The following ZNF227 variants were observed in gnomAD, a reference collection of about 807,000 sequenced individuals.
The protein encoded by ZNF227 is zinc finger protein 227.
ZNF227 carries 12 observed loss-of-function variants against 13.2 expected under a neutral mutation model. That is an observed-to-expected ratio of 0.91 (90% CI 0.58 to 1.47). The LOEUF (loss-of-function observed/expected upper bound fraction) is 1.47, where lower values mean the gene tolerates loss of function less well. Ranked by LOEUF, ZNF227 falls within the 40% of genes most tolerant of loss-of-function variation. The pLI, the probability that ZNF227 is intolerant of heterozygous loss-of-function variation, is 0.00. For missense variants in ZNF227, 885 were observed against 967.5 expected (o/e 0.91, Z 1.13); for synonymous variants, 338 against 326.0 (o/e 1.04, Z -0.40).
chr19:44,234,375 T>A (rs990804492), intron 5 of ZNF227, among the ~76,000 whole-genome samples: 3 of 152,192 alleles, frequency 2.0e-5, no homozygotes, highest in African/African-American at 7.2e-5. Flanking sequence ...TGTTCATTGA[T>A]GTTATTGTAG....
chr19:44,236,444 A>G lies in ZNF227; in HGVS notation c.2014A>G (p.Ser672Gly), dbSNP rs1251813354. The G allele has an allele frequency of 1.9e-6, 3 of 1,613,564 alleles. No homozygotes were observed. Among genetic ancestry groups the G allele is most frequent in the Non-Finnish European group, 2.5e-6 (3 of 1,179,886 alleles). Residue 672 changes from serine (S) to glycine (G), a missense_variant, in exon 6 of 6, where the codon AGT becomes GGT. Physicochemically the swap from Ser to Gly is moderately conservative, Grantham distance 56. Transcript: ENST00000313040. ...TGTGTGTGGAAAGGGCTTTAGATAC[A>G]GTTCGCAGTTTATATACCATCAGAG... ...CDVCGKGFRY[S>G]SQFIYHQRGH...
At chr19:44,222,830 C>T (rs1211505899) in intron 3 of ZNF227, among the ~76,000 whole-genome samples, 1 of 151,378 alleles carries the variant, frequency 6.6e-6, no homozygotes, top group Admixed American at 6.6e-5. Context: ...GAGGGCACCC[C>T]TGTCTTGTGC....
rs753882543 is a variant in ZNF227, at chr19:44,229,717, A to G, written c.188-16A>G. On this transcript the variant is annotated splice_polypyrimidine_tract_variant and intron_variant, in intron 4 of 5. Transcript: ENST00000313040. ...GTGTGTTCATCTTAAATACATAAAA[A>G]TCTACATTTTCATAGGGCATCTTCC... The G allele has an allele frequency of 6.5e-7, 1 of 1,547,722 alleles. No homozygotes were observed. Among genetic ancestry groups the G allele is most frequent in the East Asian group, 2.3e-5 (1 of 43,828 alleles).
rs916271937 is a variant in ZNF227, at chr19:44,213,187, C to T, written c.-60C>T. On this transcript the variant is annotated 5_prime_UTR_variant, in exon 2 of 6. Coordinates refer to ENST00000313040, the MANE Select transcript of ZNF227 (RefSeq NM_182490.3). ...GACAGCATCCTTTTATTCACCGCCTCCGAATTTGCAAAGAGGAGGAAGGAG... is the reference window on the plus strand; with the variant it reads ...GACAGCATCCTTTTATTCACCGCCTTCGAATTTGCAAAGAGGAGGAAGGAG... 6.6e-6 allele frequency: 1 copy of T among 152,254 alleles called. No homozygotes were observed. The highest frequency in any genetic ancestry group is 2.4e-5 in the African/African-American group (1 of 41,536). 9.4% of individuals were successfully genotyped at this position (152,254 alleles called of 1,614,324 possible).
At chr19:44,226,393 C>A (rs1973165152) in intron 3 of ZNF227, among the ~76,000 whole-genome samples, 1 of 152,222 alleles carries the variant, frequency 6.6e-6, no homozygotes, top group Admixed American at 6.5e-5. Flanking sequence ...CCTACAGAGG[C>A]AGGCAGGCCT....
In ZNF227 at chr19:44,236,318, A is replaced by T; in HGVS notation, c.1888A>T (p.Lys630Ter). Residue 630 changes from lysine (K) to a stop codon, truncating the protein, a stop_gained, in exon 6 of 6, where the codon AAG becomes TAG. Transcript: ENST00000313040. LOFTEE classifies it low-confidence loss of function (END_TRUNC). ...RVHQRVHTGE[K>*]PYKCGVCGKG... ...ACATCAGAGAGTCCATACTGGAGAG[A>T]AGCCATACAAATGTGGTGTCTGTGG... The T allele has an allele frequency of 6.2e-7, 1 of 1,614,008 alleles. No homozygotes were observed. Among genetic ancestry groups the T allele is most frequent in the African/African-American group, 1.3e-5 (1 of 74,986 alleles).
At position 44,234,913 on chromosome 19, in the gene ZNF227, T is replaced by C. The variant is rs1445999623; in HGVS notation, c.483T>C (p.Ser161=). 8.7e-6 allele frequency: 14 copies of C among 1,612,990 alleles called. No homozygotes were observed. The highest frequency in any genetic ancestry group is 1.1e-5 in the Non-Finnish European group (13 of 1,179,802). The part of the protein sequence containing the change: ...NNIMNPKGDS[S]IYIENQEFPF... ...TAATGAACCCTAAAGGAGATAGCTCTATTTATATTGAAAATCAAGAGTTTC... is the reference window on the plus strand; with the variant it reads ...TAATGAACCCTAAAGGAGATAGCTCCATTTATATTGAAAATCAAGAGTTTC... The change falls in exon 6 of 6, where the codon TCT becomes TCC. Residue 161 remains serine (S), a synonymous_variant. Coordinates refer to ENST00000313040, the MANE Select transcript of ZNF227 (RefSeq NM_182490.3).
rs535568262 is a variant in ZNF227 at position 44,214,735 on chromosome 19, C to A, written c.-3+1491C>A. Among the ~76,000 whole-genome samples, 4 of 152,112 alleles carry A rather than the reference C, an allele frequency of 2.6e-5. No homozygotes were observed. In the South Asian group the frequency reaches 8.3e-4, roughly 32 times the overall value. On this transcript the variant is annotated intron_variant, in intron 2 of 5. Transcript: ENST00000313040. ...AGTGGTGCAGTGAATTCCACGTAACCAACACTCAGGTTCAACATTTGCTGC... is the reference window on the plus strand; with the variant it reads ...AGTGGTGCAGTGAATTCCACGTAACAAACACTCAGGTTCAACATTTGCTGC...
chr19:44,224,465 C>G (rs1057161734), intron 3 of ZNF227, among the ~76,000 whole-genome samples: 5 of 152,136 alleles, frequency 3.3e-5, no homozygotes, highest in African/African-American at 1.2e-4. Flanking sequence ...GTATTAGGTG[C>G]ATATATATTT....
chr19:44,212,130 CG>C (rs1971403732), upstream of ZNF227, among the ~76,000 whole-genome samples: 1 of 151,768 alleles, frequency 6.6e-6, no homozygotes, highest in African/African-American at 2.4e-5. Flanking sequence ...CCTCGTGATC[CG>C]CCCGCCTCGG....
intron 2 of ZNF227, among the ~76,000 whole-genome samples, chr19:44,215,935 C>T (rs1359859239): frequency 7.4e-6 from 1 of 135,542 alleles, no homozygotes; most frequent in African/African-American, 2.9e-5. Flanking sequence ...TTGCAGTGAG[C>T]TGAGATTGTG....
chr19:44,233,145 C>G (rs758693850), intron 5 of ZNF227, among the ~76,000 whole-genome samples: 1 of 151,962 alleles, frequency 6.6e-6, no homozygotes, highest in Non-Finnish European at 1.5e-5. Context: ...TTCATTTAGG[C>G]AAATTATTTG....
chr19:44,230,505 T>TAAA (rs1568609153), intron 5 of ZNF227, among the ~76,000 whole-genome samples: 5 of 152,086 alleles, frequency 3.3e-5, no homozygotes, highest in Admixed American at 2.0e-4. Flanking sequence ...CTGGCCGCCG[T>TAAA]TGGAGTATTT....
intron 5 of ZNF227, among the ~76,000 whole-genome samples, chr19:44,232,111 C>A (rs558228537): frequency 2.6e-5 from 4 of 152,326 alleles, no homozygotes; most frequent in African/African-American, 9.6e-5. Flanking sequence ...TCCAGAGGCA[C>A]TGACATACCT....
At chr19:44,209,763 TTTTTAGTAGAGACG>T (rs1264255884), upstream of ZNF227, among the ~76,000 whole-genome samples, 3 of 152,156 alleles carry the variant, frequency 2.0e-5, no homozygotes, top group African/African-American at 7.2e-5. Flanking sequence ...ATTTTTTGTA[TTTTTAGTAGAGACG>T]GGGTTTCACC....
intron 3 of ZNF227, among the ~76,000 whole-genome samples, chr19:44,226,043 TG>T (rs754493889): frequency 2.6e-4 from 40 of 152,242 alleles, no homozygotes; most frequent in Non-Finnish European, 4.0e-4. Context: ...AGACCCTTTT[TG>T]CCTGGGTATC....
intron 5 of ZNF227, among the ~76,000 whole-genome samples, chr19:44,230,926 A>AAAAAAAAAAAAAAAAAAAATATATAT (rs1555792168): frequency 1.5e-5 from 1 of 68,116 alleles, no homozygotes; most frequent in East Asian, 4.0e-4. Flanking sequence ...AAAAAAAAAA[A>AAAAAAAAAAAAAAAAAAAATATATAT]ATATATATAT....
rs1974541609 is a variant in ZNF227, at chr19:44,236,659, CTT to C, written c.2231_2232del (p.Phe744Ter). On this transcript the variant is annotated frameshift_variant, in exon 6 of 6. Transcript: ENST00000313040. LOFTEE classifies it low-confidence loss of function (END_TRUNC). Reference protein sequence around the residue: ...HLGVHTREKLFKCEECGKGFS... With the variant: ...HLGVHTREKLXKCEECGKGFS... ...TGGGTGTTCACACCAGGGAAAAACT[CTT>C]TAAATGTGAAGAGTGTGGTAAAGGC... 1.2e-6 allele frequency: 2 copies of C among 1,611,708 alleles called. No individual in the cohort carries two copies. Among genetic ancestry groups the C allele is most frequent in the South Asian group, 2.2e-5 (2 of 90,904 alleles).
upstream of ZNF227, among the ~76,000 whole-genome samples, chr19:44,211,201 T>TAAC (rs72041965): frequency 9.4e-3 from 1,388 of 148,218 alleles, 10 homozygotes; most frequent in South Asian, 0.012. Flanking sequence ...AAACTCTGTC[T>TAAC]AACAACAACA....
Sources: gnomAD v4.1 joint callset for allele counts (sites outside exome capture counted in the v4.1 genomes callset) on GRCh38, gnomAD v4.1.1 for gene constraint, MANE v1.5 for transcripts, NCBI Gene and HGNC (gene_info 2026-07-23, HGNC 2026-07-21) for gene names.